Variants in HMGB1 observed in about 807,000 individuals in gnomAD.
The protein encoded by HMGB1 is high mobility group protein B1.
For missense variants in HMGB1, 79 were observed against 253.5 expected (o/e 0.31, Z 4.67); for synonymous variants, 81 against 84.0 (o/e 0.96, Z 0.19).
chr13:30,510,814 C>A (rs183119133), intron 1 of HMGB1, among the ~76,000 whole-genome samples: 1 of 152,164 alleles, frequency 6.6e-6, no homozygotes, highest in African/African-American at 2.4e-5. Flanking sequence ...GCTTAATAAA[C>A]GCTTACTAAT....
chr13:30,480,073 C>A lies in HMGB1; in HGVS notation c.-14-16379G>T, dbSNP rs1467718. 5.9e-5 allele frequency among the ~76,000 whole-genome samples: 9 copies of A among 152,074 alleles called. No homozygotes were observed. The South Asian group carries it at 8.3e-4, about 14-fold the overall frequency. On this transcript the variant is annotated intron_variant, in intron 1 of 4. Coordinates refer to the HMGB1 transcript ENST00000405805. ...TTCTCTGGCCTGTAATGTCCTTCCC[C>A]CTCCTCTGCTGCTAAAACCCAATCT...
At chr13:30,495,491 T>G (rs757077345) in intron 1 of HMGB1, among the ~76,000 whole-genome samples, 26 of 151,272 alleles carry the variant, frequency 1.7e-4, no homozygotes, top group Non-Finnish European at 3.1e-4. Context: ...TTTTTTTTTT[T>G]TTTTGGAGAC....
chr13:30,611,074 T>A (rs377080901), intron 1 of HMGB1, among the ~76,000 whole-genome samples: 2 of 152,362 alleles, frequency 1.3e-5, no homozygotes, highest in African/African-American at 2.4e-5. Flanking sequence ...AGTTAAGTGA[T>A]TTTACGGTCA....
rs1886229780 is a variant in HMGB1 at position 30,460,211 on chromosome 13, A to T, written c.*1146T>A. 1.3e-5 allele frequency: 2 copies of T among 152,552 alleles called. No individual in the cohort carries two copies. The highest frequency in any genetic ancestry group is 1.3e-4 in the Admixed American group (2 of 15,276). The allele number at this position is 152,552 out of a possible 1,614,324, so 9.4% of individuals were successfully genotyped here. On this transcript the variant is annotated 3_prime_UTR_variant, in exon 5 of 5. Coordinates refer to ENST00000341423, the MANE Select transcript of HMGB1 (RefSeq NM_002128.7). Reference sequence around the variant, plus strand: ...TTTCTTCCTATCTACTTGGATTTATAAAGGGGCAAACCGTAATATAGGAAA... The same window carrying T: ...TTTCTTCCTATCTACTTGGATTTATTAAGGGGCAAACCGTAATATAGGAAA...
At chr13:30,560,755 A>G (rs1869915639) in intron 1 of HMGB1, among the ~76,000 whole-genome samples, 1 of 152,220 alleles carries the variant, frequency 6.6e-6, no homozygotes. Context: ...GTGTTAAAGA[A>G]GAGGCTCAGA....
At chr13:30,463,772 G>A in intron 1 of HMGB1, 78 bp from the exon 2 acceptor site, 1 of 869,542 alleles carries the variant, frequency 1.2e-6, no homozygotes, top group East Asian at 2.7e-5. Context: ...GTAAGGGAAT[G>A]AAAACCAAAG....
intron 1 of HMGB1, among the ~76,000 whole-genome samples, chr13:30,514,468 C>T (rs1162313206): frequency 6.7e-6 from 1 of 150,068 alleles, no homozygotes; most frequent in Non-Finnish European, 1.5e-5. Flanking sequence ...GGACTACAGG[C>T]ATGTGCCACC....
chr13:30,528,290 A>C (rs1396080800), intron 1 of HMGB1, among the ~76,000 whole-genome samples: 2 of 152,220 alleles, frequency 1.3e-5, no homozygotes, highest in Non-Finnish European at 2.9e-5. Context: ...GCCAACCACA[A>C]CCAACTGGGA....
intron 1 of HMGB1, among the ~76,000 whole-genome samples, chr13:30,564,048 T>G (rs1870076622): frequency 6.6e-6 from 1 of 152,176 alleles, no homozygotes; most frequent in Non-Finnish European, 1.5e-5. Context: ...TGAAAATAAT[T>G]TCAATTCATA....
chr13:30,506,997 C>T (rs1041391048), intron 1 of HMGB1, among the ~76,000 whole-genome samples: 4 of 152,144 alleles, frequency 2.6e-5, no homozygotes, highest in African/African-American at 9.7e-5. Context: ...TATAGGGAGG[C>T]GATCCCTCCA....
chr13:30,536,972 C>T (rs1868467212), intron 1 of HMGB1, among the ~76,000 whole-genome samples: 1 of 152,208 alleles, frequency 6.6e-6, no homozygotes, highest in Non-Finnish European at 1.5e-5. Flanking sequence ...AAATTCTCTT[C>T]CCTTCTTCTC....
chr13:30,582,347 A>T (rs1415552427), intron 1 of HMGB1, among the ~76,000 whole-genome samples: 1 of 152,250 alleles, frequency 6.6e-6, no homozygotes, highest in Admixed American at 6.5e-5. Flanking sequence ...TGGTTTAAAA[A>T]ACATCCACCA....
At chr13:30,491,962 A>G (rs1887504696) in intron 1 of HMGB1, among the ~76,000 whole-genome samples, 1 of 152,088 alleles carries the variant, frequency 6.6e-6, no homozygotes, top group Non-Finnish European at 1.5e-5. Flanking sequence ...AGGTCAGGAG[A>G]TCAAGACCAT....
Position 30,544,941 on chromosome 13 carries a change from C to G in HMGB1, c.-15+71730G>C, listed in dbSNP as rs60344737. Among the ~76,000 whole-genome samples the G allele has an allele frequency of 1.5e-3, 232 of 152,236 alleles. 1 individual carries two copies. The highest frequency in any genetic ancestry group is 5.3e-3 in the African/African-American group (222 of 41,534). ...AATTCAGGTAAGTCAGGAGGCGCCTCGATGTAGAAACGTGTTCCTCTGCAC... is the reference window on the plus strand; with the variant it reads ...AATTCAGGTAAGTCAGGAGGCGCCTGGATGTAGAAACGTGTTCCTCTGCAC... On this transcript the variant is annotated intron_variant, in intron 1 of 4. Transcript: ENST00000405805.
At chr13:30,547,240 A>T (rs997966873) in intron 1 of HMGB1, among the ~76,000 whole-genome samples, 1 of 152,200 alleles carries the variant, frequency 6.6e-6, no homozygotes, top group Non-Finnish European at 1.5e-5. Context: ...CTTTTCCCAA[A>T]TATTATTTGA....
At chr13:30,599,497 C>A (rs1871767904) in intron 1 of HMGB1, among the ~76,000 whole-genome samples, 1 of 151,998 alleles carries the variant, frequency 6.6e-6, no homozygotes, top group South Asian at 2.1e-4. Context: ...ACAAAAAAAC[C>A]CTGATAACAC....
chr13:30,545,105 C>G (rs1869089006), intron 1 of HMGB1, among the ~76,000 whole-genome samples: 2 of 152,006 alleles, frequency 1.3e-5, no homozygotes, highest in African/African-American at 4.8e-5. Context: ...CATTGATTTC[C>G]ATTTCAGCTG....
intron 1 of HMGB1, among the ~76,000 whole-genome samples, chr13:30,464,920 C>T (rs1415190517): frequency 7.1e-6 from 1 of 140,422 alleles, no homozygotes. Flanking sequence ...GGGCCCTCCC[C>T]TCCGCGCCGC....
chr13:30,530,022 A>G (rs988456550), intron 1 of HMGB1, among the ~76,000 whole-genome samples: 34 of 152,250 alleles, frequency 2.2e-4, no homozygotes, highest in African/African-American at 8.0e-4. Flanking sequence ...CAAATTCAAC[A>G]ATGACACCCA....
Sources: allele counts gnomAD v4.1 joint callset (sites outside exome capture counted in the v4.1 genomes callset), GRCh38; gene constraint gnomAD v4.1.1; transcripts MANE v1.5; gene names NCBI Gene and HGNC (gene_info 2026-07-23, HGNC 2026-07-21).